The following USP30 variants were observed in gnomAD, a reference collection of about 807,000 sequenced individuals.
USP30 encodes ubiquitin specific peptidase 30.
In USP30, 41 loss-of-function variants were observed where a neutral mutation model predicts 68.2. The ratio of observed to expected loss-of-function variants is 0.60; its 90% confidence interval spans 0.47 to 0.78. The LOEUF (loss-of-function observed/expected upper bound fraction) is 0.78, where lower values mean the gene tolerates loss of function less well. Ranked by LOEUF, USP30 falls within the 30% of genes least tolerant of loss-of-function variation. The pLI is 0.00. For synonymous variants in USP30, 229 were observed against 253.7 expected (o/e 0.90, Z 0.93); for missense variants, 522 against 649.4 (o/e 0.80, Z 2.13).
rs2041944645 is a variant in USP30, at chr12:109,086,192, T to G, written c.*261T>G. The G allele has an allele frequency of 5.1e-6, 2 of 395,346 alleles. No homozygotes were observed. Among genetic ancestry groups the G allele is most frequent in the East Asian group, 8.2e-5 (2 of 24,412 alleles). 24.5% of individuals were successfully genotyped at this position (395,346 alleles called of 1,614,324 possible). On this transcript the variant is annotated 3_prime_UTR_variant, in exon 13 of 13. Coordinates refer to ENST00000257548, the MANE Select transcript of USP30 (RefSeq NM_032663.5). ...CCGGAGTGTCTTTTTACTCATCTGA[T>G]ACAGGTAATTAAAAGAACTCAGATT...
rs2041392742 is a variant in USP30 at position 109,070,184 on chromosome 12, C to T, written c.481-1428C>T. Reference sequence around the variant, plus strand: ...CAAGCCGAGAGGAAAGGTGGGAGGCCGCTGCAGTTATCTGGCCGAGATGGT... The same window carrying T: ...CAAGCCGAGAGGAAAGGTGGGAGGCTGCTGCAGTTATCTGGCCGAGATGGT... On this transcript the variant is annotated intron_variant, in intron 4 of 12. Coordinates refer to ENST00000257548, the MANE Select transcript of USP30 (RefSeq NM_032663.5). This position sits in a 1 kb window ranked among gnomAD's most constrained non-coding sequence, Gnocchi z 4.0. 6.6e-6 allele frequency among the ~76,000 whole-genome samples: 1 copy of T among 152,096 alleles called. No homozygotes were observed. The highest frequency in any genetic ancestry group is 1.5e-5 in the Non-Finnish European group (1 of 68,020).
Position 109,044,544 on chromosome 12 carries a change from G to A in USP30, c.-135-3046G>A, listed in dbSNP as rs887859324. Among the ~76,000 whole-genome samples the A allele has an allele frequency of 2.0e-5, 3 of 151,966 alleles. No individual in the cohort carries two copies. The East Asian group carries it at 5.8e-4, about 29-fold the overall frequency. ...CCTAGCTACTCGCGAGGCTAGGGTG[G>A]AAGGATCATCTGAGCTCTGGAGTTC... On this transcript the variant is annotated intron_variant, in intron 3 of 15. Transcript: ENST00000392784.
chr12:109,073,123 T>C (rs1417587372), intron 6 of USP30, among the ~76,000 whole-genome samples: 1 of 152,266 alleles, frequency 6.6e-6, no homozygotes, highest in African/African-American at 2.4e-5. Flanking sequence ...TCACTTGTGG[T>C]ATCCTTCTTT....
chr12:109,026,763 C>T (rs2040448274), intron 2 of USP30, among the ~76,000 whole-genome samples: 1 of 152,112 alleles, frequency 6.6e-6, no homozygotes, highest in South Asian at 2.1e-4. Context: ...CCACTACACC[C>T]AGCCCAGAAA....
At chr12:109,055,398 A>ATTTTTTTTTTT (rs1414168662) in intron 1 of USP30, among the ~76,000 whole-genome samples, 3 of 30,348 alleles carry the variant, frequency 9.9e-5, no homozygotes, top group African/African-American at 1.9e-4. Flanking sequence ...ATATATATAT[A>ATTTTTTTTTTT]TATTTTTTTT....
At chr12:109,025,934 C>T (rs2040442027) in intron 2 of USP30, among the ~76,000 whole-genome samples, 1 of 152,102 alleles carries the variant, frequency 6.6e-6, no homozygotes, top group African/African-American at 2.4e-5. Flanking sequence ...GGGATCCTCC[C>T]ACCTTGGCCA....
At chr12:109,085,251 A>G (rs1593302783) in intron 12 of USP30, among the ~76,000 whole-genome samples, 178 bp downstream of exon 12, 1 of 152,362 alleles carries the variant, frequency 6.6e-6, no homozygotes, top group East Asian at 1.9e-4. Flanking sequence ...CTTTTAAATT[A>G]AAAATTTTTA....
rs545227325 is a variant in USP30 at position 109,026,344 on chromosome 12, G to A, written c.-227-1121G>A. On this transcript the variant is annotated intron_variant, in intron 2 of 15. Transcript: ENST00000392784. ...ACCCGCCTTGGCCTCCCAAAGTGCTGGGATACAGTTGTGAGCCACCAGACC... is the reference window on the plus strand; with the variant it reads ...ACCCGCCTTGGCCTCCCAAAGTGCTAGGATACAGTTGTGAGCCACCAGACC... Among the ~76,000 whole-genome samples, 5 of 152,120 alleles carry A rather than the reference G, an allele frequency of 3.3e-5. No individual in the cohort carries two copies. The South Asian group carries it at 1.0e-3, about 32-fold the overall frequency.
intron 7 of USP30, among the ~76,000 whole-genome samples, chr12:109,077,076 C>T (rs772729977): frequency 6.6e-6 from 1 of 152,094 alleles, no homozygotes; most frequent in Non-Finnish European, 1.5e-5. Context: ...CTGGGATAAA[C>T]CCCACTTGAT....
intron 3 of USP30, among the ~76,000 whole-genome samples, chr12:109,044,809 C>T (rs190518004): frequency 1.4e-4 from 22 of 152,100 alleles, no homozygotes; most frequent in Non-Finnish European, 2.9e-5. Flanking sequence ...TTCTGATAAA[C>T]ATCCAAATTG....
chr12:109,076,732 CTTTTTT>C (rs71079520), intron 7 of USP30, among the ~76,000 whole-genome samples: 1 of 124,738 alleles, frequency 8.0e-6, no homozygotes, highest in Non-Finnish European at 1.6e-5. Flanking sequence ...TTGATTTTTT[CTTTTTT>C]TTTTTTTTTT....
intron 4 of USP30, among the ~76,000 whole-genome samples, chr12:109,069,603 G>A (rs1207181502): frequency 2.0e-5 from 3 of 152,238 alleles, no homozygotes; most frequent in Non-Finnish European, 2.9e-5. Flanking sequence ...TGGAGTCGTA[G>A]CAGCAGACAT....
At chr12:109,033,819 T>C (rs2040499654) in intron 3 of USP30, among the ~76,000 whole-genome samples, 1 of 152,056 alleles carries the variant, frequency 6.6e-6, no homozygotes, top group Non-Finnish European at 1.5e-5. Flanking sequence ...CCTTGTTAAA[T>C]AATGTAAAGG....
intron 2 of USP30, among the ~76,000 whole-genome samples, chr12:109,057,054 G>C (rs1297842269): frequency 6.6e-6 from 1 of 152,200 alleles, no homozygotes; most frequent in Non-Finnish European, 1.5e-5. Flanking sequence ...AATTGTCTAA[G>C]AAGTGTTCTC....
At chr12:109,069,392 T>C (rs1327017425) in intron 4 of USP30, among the ~76,000 whole-genome samples, 1 of 152,258 alleles carries the variant, frequency 6.6e-6, no homozygotes, top group Non-Finnish European at 1.5e-5. Context: ...GCTGCACCTC[T>C]GGTGTGCCGT....
chr12:109,031,272 T>C (rs557459136), intron 3 of USP30, among the ~76,000 whole-genome samples: 7 of 152,246 alleles, frequency 4.6e-5, no homozygotes, highest in Non-Finnish European at 1.0e-4. Flanking sequence ...ATCATTTTTA[T>C]GGAACAGTTT....
chr12:109,029,172 G>T (rs2040464554), intron 3 of USP30, among the ~76,000 whole-genome samples: 1 of 152,210 alleles, frequency 6.6e-6, no homozygotes, highest in Non-Finnish European at 1.5e-5. Flanking sequence ...AAAGATACTG[G>T]CTGCAGCTTG....
At chr12:109,027,298 A>G (rs2040451674) in intron 2 of USP30, among the ~76,000 whole-genome samples, 2 of 152,034 alleles carry the variant, frequency 1.3e-5, no homozygotes, top group South Asian at 2.1e-4. Context: ...TATTTTTTAG[A>G]GACAGGGTCT....
At chr12:109,059,833 T>C (rs2041005490) in intron 3 of USP30, among the ~76,000 whole-genome samples, 1 of 152,300 alleles carries the variant, frequency 6.6e-6, no homozygotes, top group African/African-American at 2.4e-5. Flanking sequence ...AAACCAACTT[T>C]TTGACTGTAG....
Sources: allele counts gnomAD v4.1 joint callset (sites outside exome capture counted in the v4.1 genomes callset), GRCh38; gene constraint gnomAD v4.1.1; non-coding constraint Gnocchi (gnomAD v3.1); transcripts MANE v1.5; gene names NCBI Gene and HGNC (gene_info 2026-07-23, HGNC 2026-07-21).